Variants in DNAL1 observed in about 807,000 individuals in gnomAD.
DNAL1 encodes the protein dynein axonemal light chain 1.
DNAL1 carries 17 observed loss-of-function variants against 29.4 expected under a neutral mutation model. The ratio of observed to expected loss-of-function variants is 0.58; its 90% CI spans 0.40 to 0.87. The LOEUF (loss-of-function observed/expected upper bound fraction) is 0.87, where lower values mean the gene tolerates loss of function less well. DNAL1 is among the 40% of genes least tolerant of loss of function. DNAL1 has a pLI of 0.00. For synonymous variants in DNAL1, 78 were observed against 76.3 expected (o/e 1.02, Z -0.12); for missense variants, 188 against 214.1 (o/e 0.88, Z 0.76).
intron 5 of DNAL1, among the ~76,000 whole-genome samples, chr14:73,677,458 C>T (rs557523199): frequency 2.6e-4 from 40 of 151,104 alleles, no homozygotes; most frequent in Non-Finnish European, 5.2e-4. Context: ...GGCCACTGTT[C>T]GCGGCAAGTA....
intron 3 of DNAL1, among the ~76,000 whole-genome samples, chr14:73,660,890 G>A (rs1304039357): frequency 6.6e-6 from 1 of 152,138 alleles, no homozygotes; most frequent in Non-Finnish European, 1.5e-5. Flanking sequence ...CAATTTATTT[G>A]TGCTAGCTGC....
rs1431122339 is a variant in DNAL1, at chr14:73,698,257, A to C, written c.*2315A>C. On this transcript the variant is annotated 3_prime_UTR_variant, in exon 8 of 8. Transcript: ENST00000553645. Reference sequence around the variant, plus strand: ...AATTCATATTCAGTATCATTCAACAAATCTTTGAATGACTTCTATGCATCC... The same window carrying C: ...AATTCATATTCAGTATCATTCAACACATCTTTGAATGACTTCTATGCATCC... The C allele has an allele frequency of 1.3e-5, 2 of 152,214 alleles. No homozygotes were observed. The highest frequency in any genetic ancestry group is 2.9e-5 in the Non-Finnish European group (2 of 68,040). The allele number at this position is 152,214 out of a possible 1,614,324, so 9.4% of individuals were successfully genotyped here. A position where few individuals can be genotyped will look rare whatever the true frequency, so the allele number is the denominator to read the frequency against.
chr14:73,654,377 A>G (rs556266698), intron 1 of DNAL1, among the ~76,000 whole-genome samples: 9 of 152,338 alleles, frequency 5.9e-5, no homozygotes, highest in African/African-American at 1.9e-4. Flanking sequence ...CTTTGCATAT[A>G]AAGTCTCAAA....
chr14:73,681,425 G>A (rs1404295358), intron 5 of DNAL1, among the ~76,000 whole-genome samples: 4 of 150,320 alleles, frequency 2.7e-5, no homozygotes, highest in Admixed American at 1.3e-4. Context: ...ATGAGCCACC[G>A]CACCCGGTGA....
chr14:73,691,238 A>G (rs1892164586), intron 7 of DNAL1, among the ~76,000 whole-genome samples: 2 of 152,324 alleles, frequency 1.3e-5, no homozygotes, highest in East Asian at 3.9e-4. Flanking sequence ...TGTGCTTAAC[A>G]TAAAGTAAGT....
intron 7 of DNAL1, among the ~76,000 whole-genome samples, chr14:73,690,509 G>A (rs1342327046): frequency 2.0e-5 from 3 of 152,056 alleles, no homozygotes; most frequent in Admixed American, 6.6e-5. Flanking sequence ...AAAATTAGCC[G>A]GATGTGGTGG....
In DNAL1 at chr14:73,695,614, C is replaced by T. The variant is rs148625109; in HGVS notation, c.533-288C>T. Among the ~76,000 whole-genome samples, 1,228 of 152,248 alleles carry T rather than the reference C, an allele frequency of 8.1e-3. 24 individuals are homozygous for T. The highest frequency in any genetic ancestry group is 0.028 in the African/African-American group (1,164 of 41,550). ...GTATAATCTTGGCTCACTGCAACCT[C>T]TGCCTCCCGGGTTCAAGCGATTCTC... is the stretch of plus-strand genomic sequence containing the variant. On this transcript the variant is annotated intron_variant, in intron 7 of 7. Coordinates refer to ENST00000553645, the MANE Select transcript of DNAL1 (RefSeq NM_031427.4).
chr14:73,702,939 A>G lies in DNAL1; in HGVS notation c.*6997A>G, dbSNP rs1188772007. 3 of 149,696 alleles carry G rather than the reference A, an allele frequency of 2.0e-5. No homozygotes were observed. Among genetic ancestry groups the G allele is most frequent in the African/African-American group, 7.4e-5 (3 of 40,584 alleles). 9.3% of individuals were successfully genotyped at this position (149,696 alleles called of 1,614,324 possible). On this transcript the variant is annotated 3_prime_UTR_variant, in exon 8 of 8. Transcript: ENST00000553645. Reference sequence around the variant, plus strand: ...AGCCTAGGCAACATCGTGAGACCCCATCTCTACAAAAAAAAAAAAAGAAAA... The same window carrying G: ...AGCCTAGGCAACATCGTGAGACCCCGTCTCTACAAAAAAAAAAAAAGAAAA...
chr14:73,662,608 A>G (rs886876323), intron 4 of DNAL1, among the ~76,000 whole-genome samples: 2 of 152,098 alleles, frequency 1.3e-5, no homozygotes, highest in Admixed American at 1.3e-4. Flanking sequence ...AGCCTCTTCC[A>G]GCTTCTGGTG....
At chr14:73,664,660 G>A (rs1184360772) in intron 4 of DNAL1, among the ~76,000 whole-genome samples, 5 of 152,072 alleles carry the variant, frequency 3.3e-5, no homozygotes, top group Admixed American at 6.6e-5. Context: ...CTTAAGCTTA[G>A]GAGTTCGAGA....
At chr14:73,692,590 C>T (rs1350003382) in intron 7 of DNAL1, among the ~76,000 whole-genome samples, 9 of 147,446 alleles carry the variant, frequency 6.1e-5, no homozygotes, top group African/African-American at 2.0e-4. Context: ...ACCCAGGAGG[C>T]GGAGGTTGCA....
intron 4 of DNAL1, 65 bp downstream of exon 4, chr14:73,662,107 A>G (rs1308385930): frequency 7.4e-6 from 10 of 1,359,036 alleles, no homozygotes; most frequent in East Asian, 2.5e-5. Flanking sequence ...CATTCCGGAG[A>G]CAATATGTAA....
At chr14:73,663,284 C>A (rs1441748929) in intron 4 of DNAL1, among the ~76,000 whole-genome samples, 1 of 146,590 alleles carries the variant, frequency 6.8e-6, no homozygotes, top group Non-Finnish European at 1.5e-5. Context: ...CAGCTCACTA[C>A]AACCTCCGCC....
chr14:73,658,905 T>A lies in DNAL1; in HGVS notation c.101T>A (p.Ile34Asn). 1 of 1,599,564 alleles carries A rather than the reference T, an allele frequency of 6.3e-7. No homozygotes were observed. The highest frequency in any genetic ancestry group is 8.5e-7 in the Non-Finnish European group (1 of 1,172,728). Residue 34 changes from isoleucine to asparagine, a missense_variant, in exon 3 of 8, where the codon ATT becomes AAT. Transcript: ENST00000553645. ...AAAGAGATAAAACTTTATGCCCAGATTCCCCCTATAGAGAAGATGGATGCA... is the reference window on the plus strand; with the variant it reads ...AAAGAGATAAAACTTTATGCCCAGAATCCCCCTATAGAGAAGATGGATGCA... ...EAKEIKLYAQ[I>N]PPIEKMDASL...
At chr14:73,649,996 T>G (rs1319187110) in intron 1 of DNAL1, among the ~76,000 whole-genome samples, 3 of 152,226 alleles carry the variant, frequency 2.0e-5, no homozygotes, top group Non-Finnish European at 2.9e-5. Flanking sequence ...TGTTTTGTTT[T>G]GTTTTGAGAT....
Position 73,697,782 on chromosome 14 carries a change from A to G in DNAL1, c.*1840A>G, listed in dbSNP as rs1405052380. On this transcript the variant is annotated 3_prime_UTR_variant, in exon 8 of 8. Coordinates refer to ENST00000553645, the MANE Select transcript of DNAL1 (RefSeq NM_031427.4). Reference sequence around the variant, plus strand: ...AAAAAAAAAGAGGAAAACTTGGTCTAACACCCTTTTAGTTTTCTTTTCTCT... The same window carrying G: ...AAAAAAAAAGAGGAAAACTTGGTCTGACACCCTTTTAGTTTTCTTTTCTCT... 6.6e-6 allele frequency: 1 copy of G among 151,004 alleles called. No individual in the cohort carries two copies. The highest frequency in any genetic ancestry group is 2.4e-5 in the African/African-American group (1 of 41,098). The allele number at this position is 151,004 out of a possible 1,614,324, so 9.4% of individuals were successfully genotyped here.
At chr14:73,680,102 C>T (rs2140051166) in intron 5 of DNAL1, among the ~76,000 whole-genome samples, 1 of 152,208 alleles carries the variant, frequency 6.6e-6, no homozygotes, top group East Asian at 1.9e-4. Context: ...AATCCTCTCT[C>T]CTTTTTCAAA....
At chr14:73,666,699 A>G (rs1891489690) in intron 4 of DNAL1, among the ~76,000 whole-genome samples, 1 of 152,212 alleles carries the variant, frequency 6.6e-6, no homozygotes, top group Admixed American at 6.5e-5. Context: ...AAAAGGGGTT[A>G]GAGATTATCT....
chr14:73,664,291 C>T (rs1392568607), intron 4 of DNAL1, among the ~76,000 whole-genome samples: 1 of 152,160 alleles, frequency 6.6e-6, no homozygotes, highest in African/African-American at 2.4e-5. Flanking sequence ...ATCTCCTTTC[C>T]TCCTGTCTTT....
Sources: gnomAD v4.1 joint callset for allele counts (sites outside exome capture counted in the v4.1 genomes callset) on GRCh38, gnomAD v4.1.1 for gene constraint, MANE v1.5 for transcripts, NCBI Gene and HGNC (gene_info 2026-07-23, HGNC 2026-07-21) for gene names.